Variants in RP1 observed in about 807,000 individuals in gnomAD.
RP1 encodes the protein RP1 axonemal microtubule associated.
A neutral mutation model predicts 14.8 loss-of-function variants in RP1; 16 were observed. That is an observed-to-expected ratio of 1.08 (90% confidence interval 0.73 to 1.65). The LOEUF (loss-of-function observed/expected upper bound fraction) is 1.65. Ranked by LOEUF, RP1 falls within the 40% of genes most tolerant of loss-of-function variation. RP1 has a pLI of 0.00. For synonymous variants in RP1, 876 were observed against 883.6 expected (o/e 0.99, Z 0.15); for missense variants, 2,631 against 2,535.0 (o/e 1.04, Z -0.81).
At chr8:54,689,234 A>G (rs1301027783) in intron 12 of RP1, among the ~76,000 whole-genome samples, 1 of 152,054 alleles carries the variant, frequency 6.6e-6, no homozygotes, top group African/African-American at 2.4e-5. Context: ...GGGTTTTCTA[A>G]ATATACAATC....
chr8:54,855,564 C>T (rs1812174305), intron 26 of RP1, among the ~76,000 whole-genome samples: 1 of 152,154 alleles, frequency 6.6e-6, no homozygotes, highest in African/African-American at 2.4e-5. Flanking sequence ...AGGGAAGGCA[C>T]ACAGTGGGAG....
chr8:54,586,771 C>T lies in RP1; in HGVS notation c.-13+27451C>T, dbSNP rs533194130. ...GCTGTGCTAGCAATGAGCATGGCTC[C>T]GTGGGCATAGGACCCTCCAAGCCAG... On this transcript the variant is annotated intron_variant, in intron 1 of 22. Transcript: ENST00000636932. Among the ~76,000 whole-genome samples the T allele has an allele frequency of 6.1e-3, 929 of 152,262 alleles. 10 individuals are homozygous for T. Among genetic ancestry groups the T allele is most frequent in the Admixed American group, 4.3e-3 (65 of 15,290 alleles).
Position 54,670,360 on chromosome 8 carries a change from C to T in RP1, c.1324-3490C>T, listed in dbSNP as rs562380601. ...ATTGAAAGTGGGGCATTGAAATCTC[C>T]TAGTATTGTGTTGCTGTCTATTTCT... On this transcript the variant is annotated intron_variant, in intron 7 of 22. Transcript: ENST00000636932. 9.9e-5 allele frequency among the ~76,000 whole-genome samples: 15 copies of T among 150,976 alleles called. No homozygotes were observed. In the East Asian group the frequency reaches 2.7e-3, roughly 28 times the overall value.
At chr8:54,750,500 G>A (rs1365595166) in intron 19 of RP1, among the ~76,000 whole-genome samples, 1 of 152,204 alleles carries the variant, frequency 6.6e-6, no homozygotes, top group Non-Finnish European at 1.5e-5. Flanking sequence ...GTATCACTGA[G>A]AGGAGAAGCC....
intron 1 of RP1, among the ~76,000 whole-genome samples, chr8:54,563,575 G>T (rs908771346): frequency 1.3e-5 from 2 of 151,812 alleles, no homozygotes; most frequent in South Asian, 2.1e-4. Flanking sequence ...TTGCGATGGG[G>T]TCTTGTTCCT....
chr8:54,741,851 G>T (rs1809107351), intron 19 of RP1, among the ~76,000 whole-genome samples: 1 of 149,750 alleles, frequency 6.7e-6, no homozygotes, highest in South Asian at 2.1e-4. Context: ...AATCATGGCA[G>T]TAATAACAAT....
chr8:54,585,636 A>G (rs1179952855), intron 1 of RP1, among the ~76,000 whole-genome samples: 2 of 152,330 alleles, frequency 1.3e-5, no homozygotes, highest in East Asian at 1.9e-4. Flanking sequence ...GGGTACACCA[A>G]TAAGAGGTAG....
chr8:54,818,926 C>G (rs1035299728), intron 24 of RP1, among the ~76,000 whole-genome samples: 1 of 152,016 alleles, frequency 6.6e-6, no homozygotes, highest in Non-Finnish European at 1.5e-5. Flanking sequence ...GAAAAGAGAA[C>G]TCAGAATGCA....
chr8:54,591,526 C>A (rs1805043107), intron 1 of RP1, among the ~76,000 whole-genome samples: 1 of 152,148 alleles, frequency 6.6e-6, no homozygotes, highest in Non-Finnish European at 1.5e-5. Context: ...GCCTTATCAC[C>A]TCTACAAAAT....
chr8:54,628,385 T>C lies in RP1; in HGVS notation c.4503T>C (p.Ser1501=), dbSNP rs769348705. 5 of 1,613,364 alleles carry C rather than the reference T, an allele frequency of 3.1e-6. No homozygotes were observed. Among genetic ancestry groups the C allele is most frequent in the African/African-American group, 1.3e-5 (1 of 74,904 alleles). Residue 1501 remains serine (S), a synonymous_variant, in exon 4 of 4, where the codon AGT becomes AGC. Transcript: ENST00000220676. ...TAATCCAAGAAGAGGTAGAGGCTAG[T>C]AAAACTTTAGAATTGATAGACATCT... ...EELIQEEVEA[S]KTLELIDISS...
intron 24 of RP1, among the ~76,000 whole-genome samples, chr8:54,810,926 A>G (rs1297431500): frequency 6.6e-6 from 1 of 152,206 alleles, no homozygotes; most frequent in Non-Finnish European, 1.5e-5. Context: ...ATCTGCGCAA[A>G]TGCATGGAAG....
chr8:54,865,351 C>T (rs1170371759), intron 27 of RP1, among the ~76,000 whole-genome samples: 6 of 151,144 alleles, frequency 4.0e-5, no homozygotes, highest in African/African-American at 1.2e-4. Context: ...CCTCTCCTTC[C>T]TCCCTTCTTC....
chr8:54,586,837 A>G (rs13273057), intron 1 of RP1, among the ~76,000 whole-genome samples: 117,621 of 152,136 alleles, frequency 0.77, 45,983 homozygotes, highest in Non-Finnish European at 0.83. Flanking sequence ...TGCTAAGACC[A>G]TTGGAAAAGC....
At chr8:54,717,638 ATAT>A (rs1479812858) in intron 15 of RP1, among the ~76,000 whole-genome samples, 3 of 152,198 alleles carry the variant, frequency 2.0e-5, no homozygotes, top group Admixed American at 6.5e-5. Flanking sequence ...CTTGCAGCTA[ATAT>A]TATACTTAAT....
chr8:54,812,090 T>G (rs1193858043), intron 24 of RP1, among the ~76,000 whole-genome samples: 2 of 152,248 alleles, frequency 1.3e-5, no homozygotes, highest in African/African-American at 4.8e-5. Flanking sequence ...AGAGAAAAAC[T>G]TATAGATGTC....
chr8:54,738,347 C>T (rs1292838423), intron 18 of RP1, among the ~76,000 whole-genome samples: 1 of 152,296 alleles, frequency 6.6e-6, no homozygotes, highest in Non-Finnish European at 1.5e-5. Context: ...CAGTTCTCCA[C>T]AATGCTACCT....
intron 24 of RP1, among the ~76,000 whole-genome samples, chr8:54,787,001 T>C (rs1407679019): frequency 1.3e-5 from 2 of 152,122 alleles, no homozygotes; most frequent in Non-Finnish European, 2.9e-5. Flanking sequence ...CAATGAAGGG[T>C]AACTGTAATA....
chr8:54,869,741 G>C (rs1026236744), intron 28 of RP1: 2 of 427,970 alleles, frequency 4.7e-6, no homozygotes, highest in African/African-American at 2.0e-5. Context: ...CTCTCTAAAG[G>C]CCTCTTTAAA....
intron 21 of RP1, chr8:54,758,856 C>T: frequency 5.5e-6 from 8 of 1,464,052 alleles, no homozygotes; most frequent in Non-Finnish European, 7.3e-6. Context: ...ATTATTATTG[C>T]CTGCATTTGT....
Sources: allele counts gnomAD v4.1 joint callset (sites outside exome capture counted in the v4.1 genomes callset), GRCh38; gene constraint gnomAD v4.1.1; transcripts MANE v1.5; gene names NCBI Gene and HGNC (gene_info 2026-07-23, HGNC 2026-07-21).